PHC2: variants seen among roughly 807,000 people sequenced by gnomAD.
PHC2 encodes the protein polyhomeotic homolog 2, also known as polyhomeotic-like protein 2.
A neutral mutation model predicts 87.4 loss-of-function variants in PHC2; 29 were observed. The observed-to-expected ratio is 0.33, with a 90% CI of 0.25 to 0.45. The LOEUF (loss-of-function observed/expected upper bound fraction) is 0.45. Among genes scored for constraint, PHC2 ranks in the 20% least tolerant of loss-of-function variants. PHC2 has a pLI of 1.00. For missense variants in PHC2, 857 were observed against 1,136.7 expected (o/e 0.75, Z 3.54); for synonymous variants, 438 against 461.7 (o/e 0.95, Z 0.66).
At chr1:33,346,248 G>GGGGGTGGGGGGGGGGGGGGGC in intron 9 of PHC2, 1 of 284,162 alleles carries the variant, frequency 3.5e-6, no homozygotes, top group Non-Finnish European at 5.1e-6. Flanking sequence ...GGGAGGGTGG[G>GGGGGTGGGGGGGGGGGGGGGC]CAGGCTCAGA....
chr1:33,336,087 C>G (rs183823734), intron 9 of PHC2, among the ~76,000 whole-genome samples: 277 of 151,646 alleles, frequency 1.8e-3, no homozygotes, highest in Non-Finnish European at 3.4e-3. Context: ...CTCTCAGGTT[C>G]AAGCGATTCT....
chr1:33,396,235 C>T (rs1028205250), intron 1 of PHC2, among the ~76,000 whole-genome samples: 1 of 152,144 alleles, frequency 6.6e-6, no homozygotes, highest in African/African-American at 2.4e-5. Context: ...AGCTCCATTT[C>T]CCCATGGTGG....
At position 33,369,867 on chromosome 1, in the gene PHC2, A is replaced by G. The variant is rs1647715836; in HGVS notation, c.576+554T>C. ...GCTCCTAAGGACCTTTGCACCCCTCAGGGATAGGTGCAAAGGAAAGAGTTG... is the reference window on the plus strand; with the variant it reads ...GCTCCTAAGGACCTTTGCACCCCTCGGGGATAGGTGCAAAGGAAAGAGTTG... On this transcript the variant is annotated intron_variant, in intron 5 of 14. Transcript: ENST00000683057. The surrounding 1 kb of genome is among the most constrained non-coding windows in gnomAD (Gnocchi z 4.7). Among the ~76,000 whole-genome samples the G allele has an allele frequency of 1.3e-5, 2 of 152,160 alleles. No homozygotes were observed. The highest frequency in any genetic ancestry group is 1.3e-4 in the Admixed American group (2 of 15,286).
chr1:33,425,909 G>A (rs948945499), intron 1 of PHC2, among the ~76,000 whole-genome samples: 5 of 152,194 alleles, frequency 3.3e-5, no homozygotes, highest in East Asian at 1.9e-4. Context: ...CACTCTGAAC[G>A]GGGATGAGAC....
At position 33,331,003 on chromosome 1, in the gene PHC2, C is replaced by T. The variant is rs1194421749; in HGVS notation, c.2006+345G>A. ...GTGATCTATGCTGGGCGAGAGCTCA[C>T]CAAGGGAACACTATAGCTGTGGTTC... On this transcript the variant is annotated intron_variant, in intron 12 of 14. Transcript: ENST00000683057. This position sits in a 1 kb window ranked among gnomAD's most constrained non-coding sequence, Gnocchi z 5.2. Among the ~76,000 whole-genome samples, 2 of 152,106 alleles carry T rather than the reference C, an allele frequency of 1.3e-5. No homozygotes were observed. The highest frequency in any genetic ancestry group is 1.3e-4 in the Admixed American group (2 of 15,270).
intron 1 of PHC2, among the ~76,000 whole-genome samples, chr1:33,389,655 T>C (rs1026478045): frequency 6.6e-6 from 1 of 152,198 alleles, no homozygotes; most frequent in Non-Finnish European, 1.5e-5. Flanking sequence ...CCCCAAATAA[T>C]AGCCTTTAAT....
intron 1 of PHC2, among the ~76,000 whole-genome samples, chr1:33,403,585 T>C (rs1649635750): frequency 6.6e-6 from 1 of 152,212 alleles, no homozygotes; most frequent in South Asian, 2.1e-4. Flanking sequence ...ACATATACAT[T>C]ATACTTTCTT....
chr1:33,394,578 C>T (rs1367995553), intron 1 of PHC2, among the ~76,000 whole-genome samples: 1 of 152,070 alleles, frequency 6.6e-6, no homozygotes, highest in East Asian at 1.9e-4. Context: ...TATTATTATT[C>T]TTTTGAGACA....
chr1:33,348,205 A>G (rs921367173), intron 9 of PHC2, among the ~76,000 whole-genome samples: 2 of 152,176 alleles, frequency 1.3e-5, no homozygotes, highest in Non-Finnish European at 2.9e-5. Context: ...GGGAAGCCCT[A>G]CATCCCTTGT....
At chr1:33,391,820 CAT>C (rs995664448) in intron 1 of PHC2, among the ~76,000 whole-genome samples, 8 of 152,264 alleles carry the variant, frequency 5.3e-5, no homozygotes, top group South Asian at 2.1e-4. Context: ...CAACCAGACA[CAT>C]GAGGAGTCGT....
chr1:33,414,831 T>G (rs1318553706), intron 1 of PHC2, among the ~76,000 whole-genome samples: 1 of 152,230 alleles, frequency 6.6e-6, no homozygotes, highest in Admixed American at 6.5e-5. Context: ...CAGAATTTCT[T>G]TAAAGAAAGG....
chr1:33,397,373 CCA>C (rs1452573604), intron 1 of PHC2, among the ~76,000 whole-genome samples: 1 of 152,174 alleles, frequency 6.6e-6, no homozygotes, highest in Non-Finnish European at 1.5e-5. Flanking sequence ...GGGCCCCACC[CCA>C]GACCTGCTGA....
In PHC2 at chr1:33,349,414, C is replaced by G. The variant is rs765729865; in HGVS notation, c.1558+4987G>C. The G allele has an allele frequency of 4.7e-5, 46 of 985,130 alleles. No individual in the cohort carries two copies. Among genetic ancestry groups the G allele is most frequent in the Admixed American group, 6.1e-5 (1 of 16,282 alleles). The allele number at this position is 985,130 out of a possible 1,614,324, so 61.0% of individuals were successfully genotyped here. On this transcript the variant is annotated intron_variant, in intron 9 of 14. Transcript: ENST00000683057. This position sits in a 1 kb window ranked among gnomAD's most constrained non-coding sequence, Gnocchi z 4.2. Reference sequence around the variant, plus strand: ...CGGGCGCGCAGGGTCCCCAGGCGAGCGAGGCTGGGGAGCAGGGCACCTCCC... The same window carrying G: ...CGGGCGCGCAGGGTCCCCAGGCGAGGGAGGCTGGGGAGCAGGGCACCTCCC...
At chr1:33,342,352 C>T (rs1227020444) in intron 9 of PHC2, among the ~76,000 whole-genome samples, 1 of 152,208 alleles carries the variant, frequency 6.6e-6, no homozygotes, top group African/African-American at 2.4e-5. Context: ...TACCATACAG[C>T]TGACTTTCAT....
At chr1:33,428,292 G>A (rs1304772585) in intron 1 of PHC2, among the ~76,000 whole-genome samples, 2 of 152,188 alleles carry the variant, frequency 1.3e-5, no homozygotes, top group African/African-American at 4.8e-5. Context: ...ACAAGCAGGT[G>A]TTCAGTAAAT....
chr1:33,342,584 G>A (rs1020692410), intron 9 of PHC2, among the ~76,000 whole-genome samples: 5 of 150,966 alleles, frequency 3.3e-5, no homozygotes, highest in African/African-American at 1.2e-4. Context: ...CTGCTTGAAC[G>A]CTTCCCAGCC....
chr1:33,415,020 G>A (rs976141157), intron 1 of PHC2, among the ~76,000 whole-genome samples: 63 of 152,148 alleles, frequency 4.1e-4, no homozygotes, highest in African/African-American at 1.4e-3. Context: ...GCCTGTGATC[G>A]CTAAGAAAAG....
intron 1 of PHC2, among the ~76,000 whole-genome samples, chr1:33,408,782 A>G (rs1649869335): frequency 6.6e-6 from 1 of 152,090 alleles, no homozygotes; most frequent in South Asian, 2.1e-4. Context: ...AGTAGGTTTT[A>G]AGTATATCTC....
intron 1 of PHC2, among the ~76,000 whole-genome samples, chr1:33,393,031 T>TGTG (rs1649135827): frequency 1.3e-5 from 2 of 152,108 alleles, no homozygotes; most frequent in African/African-American, 4.8e-5. Context: ...GGCCATCTGA[T>TGTG]CCCTTCCCTT....
Sources: allele counts gnomAD v4.1 joint callset (sites outside exome capture counted in the v4.1 genomes callset), GRCh38; gene constraint gnomAD v4.1.1; non-coding constraint Gnocchi (gnomAD v3.1); transcripts MANE v1.5; gene names NCBI Gene and HGNC (gene_info 2026-07-23, HGNC 2026-07-21).